The following LAMA2 variants were observed in gnomAD, a reference collection of about 807,000 sequenced individuals.
LAMA2 encodes the protein laminin subunit alpha 2, also known as laminin subunit alpha-2.
A neutral mutation model predicts 364.8 loss-of-function variants in LAMA2; 269 were observed. That is an observed-to-expected ratio of 0.74 (90% CI 0.67 to 0.82). The LOEUF is 0.82. Ranked by LOEUF, LAMA2 falls within the 40% of genes least tolerant of loss-of-function variation. The probability of loss-of-function intolerance (pLI) is 0.00; values close to 1 mark genes in which losing one functional copy is unlikely to be tolerated. For missense variants in LAMA2, 3,807 were observed against 3,873.2 expected (o/e 0.98, Z 0.45); for synonymous variants, 1,379 against 1,370.6 (o/e 1.01, Z -0.14).
chr6:129,503,409 G>C (rs1301597815), intron 60 of LAMA2, 129 bp downstream of exon 60: 10 of 846,156 alleles, frequency 1.2e-5, no homozygotes, highest in Non-Finnish European at 1.9e-5. Context: ...AATAAAATAA[G>C]TGCCATATAC....
chr6:129,226,938 G>A (rs538841500), intron 12 of LAMA2, among the ~76,000 whole-genome samples: 5 of 152,052 alleles, frequency 3.3e-5, no homozygotes, highest in Admixed American at 6.6e-5. Context: ...TTCCAACTTG[G>A]TTCCATTCTC....
intron 1 of LAMA2, among the ~76,000 whole-genome samples, chr6:128,993,360 T>C (rs1222464674): frequency 6.6e-6 from 1 of 152,196 alleles, no homozygotes; most frequent in East Asian, 1.9e-4. Flanking sequence ...CAGTGGATCA[T>C]GGTGCTTCTG....
rs759584828 is a variant in LAMA2, at chr6:129,342,451, A to T, written c.4420A>T (p.Ile1474Phe). Residue 1474 changes from isoleucine to phenylalanine, a missense_variant, in exon 30 of 65, where the codon ATT (isoleucine) becomes TTT (phenylalanine). Ile to Phe is a conservative substitution (Grantham distance 21). Coordinates refer to ENST00000421865, the MANE Select transcript of LAMA2 (RefSeq NM_000426.4). ...CTGTCAGCAATGTGCCTGCCCTCTG[A>T]TTTCTTCCAGTAACAAGTAAGATTG... ...NDCQQCACPL[I>F]SSSNNFSPSC... The T allele has an allele frequency of 2.5e-6, 4 of 1,613,120 alleles. No homozygotes were observed. In the East Asian group the frequency reaches 8.9e-5, roughly 36 times the overall value.
intron 58 of LAMA2, among the ~76,000 whole-genome samples, chr6:129,496,254 C>T (rs1785184351): frequency 6.6e-6 from 1 of 152,178 alleles, no homozygotes; most frequent in Non-Finnish European, 1.5e-5. Flanking sequence ...GCAACCTCCA[C>T]CTCCTGGGTT....
chr6:129,444,514 A>C (rs1218263814), intron 44 of LAMA2, among the ~76,000 whole-genome samples: 3 of 152,212 alleles, frequency 2.0e-5, no homozygotes, highest in Non-Finnish European at 4.4e-5. Flanking sequence ...TTCAGGAAGA[A>C]AATACTGCAC....
At chr6:129,341,376 T>G (rs1040384450) in intron 29 of LAMA2, among the ~76,000 whole-genome samples, 1 of 152,238 alleles carries the variant, frequency 6.6e-6, no homozygotes, top group African/African-American at 2.4e-5. Context: ...TTATAAGATG[T>G]AAGTCACTAT....
At chr6:129,475,359 T>C in intron 52 of LAMA2, 31 bp from the exon 53 acceptor site, 1 of 1,281,780 alleles carries the variant, frequency 7.8e-7, no homozygotes. Flanking sequence ...TTTTTATTTT[T>C]GTTTTTTTTT....
intron 44 of LAMA2, 111 bp from the exon 45 acceptor site, chr6:129,445,556 C>A (rs1782323023): frequency 1.1e-6 from 1 of 927,844 alleles, no homozygotes; most frequent in Non-Finnish European, 1.7e-6. Context: ...TATGGCCATG[C>A]TTTGTCACAT....
At chr6:128,889,759 A>G (rs1369467117) in intron 1 of LAMA2, among the ~76,000 whole-genome samples, 4 of 152,214 alleles carry the variant, frequency 2.6e-5, no homozygotes, top group Non-Finnish European at 4.4e-5. Flanking sequence ...ACATATTTTC[A>G]GGGTGAGTTA....
At chr6:129,064,428 G>T (rs1050808617) in intron 3 of LAMA2, among the ~76,000 whole-genome samples, 3 of 149,958 alleles carry the variant, frequency 2.0e-5, no homozygotes, top group African/African-American at 4.9e-5. Context: ...GTAGCAGAAA[G>T]AAGGAAATAA....
At chr6:129,231,762 C>A (rs1359396736) in intron 12 of LAMA2, among the ~76,000 whole-genome samples, 2 of 152,026 alleles carry the variant, frequency 1.3e-5, no homozygotes, top group African/African-American at 4.8e-5. Flanking sequence ...AAATAAAAAC[C>A]AACTAAGTTT....
At position 129,114,597 on chromosome 6, in the gene LAMA2, T is replaced by A. The variant is rs1025973812; in HGVS notation, c.639+16182T>A. Among the ~76,000 whole-genome samples, 8 of 152,104 alleles carry A rather than the reference T, an allele frequency of 5.3e-5. No individual in the cohort carries two copies. The South Asian group carries it at 6.2e-4, about 12-fold the overall frequency. The stretch of plus-strand genomic sequence containing the variant: ...GAATGTTTTCTGTATTTGCTTTTTT[T>A]AAAAAAACTCTATATTTTATGTGCA... On this transcript the variant is annotated intron_variant, in intron 4 of 64. Coordinates refer to ENST00000421865, the MANE Select transcript of LAMA2 (RefSeq NM_000426.4).
At chr6:129,393,639 A>G (rs1387216621) in intron 37 of LAMA2, among the ~76,000 whole-genome samples, 3 of 152,220 alleles carry the variant, frequency 2.0e-5, no homozygotes, top group Admixed American at 2.0e-4. Context: ...CCCCAAATCT[A>G]CAATAAGTGC....
chr6:129,152,142 G>A (rs1778845010), intron 7 of LAMA2, among the ~76,000 whole-genome samples: 1 of 152,226 alleles, frequency 6.6e-6, no homozygotes, highest in Middle Eastern at 3.4e-3. Context: ...ATCAAAACAG[G>A]TATTCCTCAG....
At position 129,421,737 on chromosome 6, in the gene LAMA2, T is replaced by A. The variant is rs78781585; in HGVS notation, c.5866-6015T>A. 4.3e-3 allele frequency among the ~76,000 whole-genome samples: 658 copies of A among 152,298 alleles called. 5 individuals are homozygous for A. The highest frequency in any genetic ancestry group is 0.015 in the African/African-American group (620 of 41,544). ...GCAGACTGCTTGTAACTGACAGTTG[T>A]ATGCCATAAGCTCTTTACTTTAATA... is the stretch of plus-strand genomic sequence containing the variant. On this transcript the variant is annotated intron_variant, in intron 40 of 64. Coordinates refer to ENST00000421865, the MANE Select transcript of LAMA2 (RefSeq NM_000426.4).
chr6:128,883,598 C>G (rs1042631713), intron 1 of LAMA2, among the ~76,000 whole-genome samples: 2 of 151,890 alleles, frequency 1.3e-5, no homozygotes, highest in African/African-American at 4.8e-5. Context: ...TCTTTAGTTT[C>G]GAAGAGGTCT....
intron 4 of LAMA2, among the ~76,000 whole-genome samples, chr6:129,113,175 G>T (rs916307377): frequency 6.6e-6 from 1 of 152,052 alleles, no homozygotes; most frequent in Non-Finnish European, 1.5e-5. Context: ...TTTACATAAT[G>T]GGAGGGTCAC....
intron 64 of LAMA2, among the ~76,000 whole-genome samples, 193 bp downstream of exon 64, chr6:129,514,788 A>G (rs1169053015): frequency 6.6e-6 from 1 of 152,218 alleles, no homozygotes; most frequent in Non-Finnish European, 1.5e-5. Flanking sequence ...TATAAACCAC[A>G]TGGGACTGAA....
intron 12 of LAMA2, among the ~76,000 whole-genome samples, chr6:129,242,788 A>G (rs1026632614): frequency 2.3e-4 from 35 of 152,058 alleles, no homozygotes; most frequent in African/African-American, 5.5e-4. Flanking sequence ...CACCACTACC[A>G]TTTACTCACA....
Sources: allele counts gnomAD v4.1 joint callset (sites outside exome capture counted in the v4.1 genomes callset), GRCh38; gene constraint gnomAD v4.1.1; transcripts MANE v1.5; gene names NCBI Gene and HGNC (gene_info 2026-07-23, HGNC 2026-07-21).